PDSS2: variants seen among roughly 807,000 people sequenced by gnomAD.
The protein encoded by PDSS2 is decaprenyl diphosphate synthase subunit 2.
PDSS2 carries 31 observed loss-of-function variants against 44.5 expected under a neutral mutation model. That is an observed-to-expected ratio of 0.70 (90% CI 0.52 to 0.94). The LOEUF (loss-of-function observed/expected upper bound fraction) is 0.94. Ranked by LOEUF, PDSS2 falls within the 40% of genes least tolerant of loss-of-function variation. PDSS2 has a pLI of 0.00. For synonymous variants in PDSS2, 157 were observed against 180.3 expected (o/e 0.87, Z 1.03); for missense variants, 452 against 482.2 (o/e 0.94, Z 0.59).
chr6:107,264,367 T>A, intron 3 of PDSS2: 1 of 1,537,650 alleles, frequency 6.5e-7, no homozygotes, highest in Non-Finnish European at 8.8e-7. Context: ...TGCCACTGGT[T>A]ATCCGGAAGT....
chr6:107,280,309 A>G (rs13196120), intron 2 of PDSS2, among the ~76,000 whole-genome samples: 55 of 151,828 alleles, frequency 3.6e-4, no homozygotes, highest in Middle Eastern at 3.4e-3. Flanking sequence ...TGATCCACCC[A>G]CCTCGGCCTC....
chr6:107,197,647 A>C (rs944165794), intron 6 of PDSS2, among the ~76,000 whole-genome samples: 1 of 152,142 alleles, frequency 6.6e-6, no homozygotes, highest in Non-Finnish European at 1.5e-5. Context: ...ACTGTATCAA[A>C]CACTTTTGAG....
In PDSS2 at chr6:107,212,285, A is replaced by G; in HGVS notation, c.703-3T>C. ...ATATCATCTGTGATATAACTTTCCT[A>G]AAAATGTAACAAAAGCCAAGATAAA... is the stretch of plus-strand genomic sequence containing the variant. On this transcript the variant is annotated splice_polypyrimidine_tract_variant and splice_region_variant and intron_variant, in intron 4 of 7. Transcript: ENST00000369037. 6.2e-7 allele frequency: 1 copy of G among 1,608,338 alleles called. No homozygotes were observed. The highest frequency in any genetic ancestry group is 1.1e-5 in the South Asian group (1 of 89,920).
intron 1 of PDSS2, among the ~76,000 whole-genome samples, chr6:107,429,794 G>A (rs936741806): frequency 1.4e-5 from 2 of 147,172 alleles, no homozygotes; most frequent in African/African-American, 2.5e-5. Flanking sequence ...TGAGGCAGGA[G>A]AATCACTTGA....
rs928170205 is a variant in PDSS2, at chr6:107,392,979, T to C, written c.297-58647A>G. Among the ~76,000 whole-genome samples, 59 of 152,138 alleles carry C rather than the reference T, an allele frequency of 3.9e-4. 1 individual carries two copies. The highest frequency in any genetic ancestry group is 2.8e-4 in the Non-Finnish European group (19 of 68,002). Reference sequence around the variant, plus strand: ...TTCTCAATATCATTTATGATATTGATGGGTCTACTGATTTTTTAAAAAACA... The same window carrying C: ...TTCTCAATATCATTTATGATATTGACGGGTCTACTGATTTTTTAAAAAACA... On this transcript the variant is annotated intron_variant, in intron 1 of 7. Transcript: ENST00000369037.
At chr6:107,177,141 T>G (rs2114428139) in intron 7 of PDSS2, among the ~76,000 whole-genome samples, 1 of 151,282 alleles carries the variant, frequency 6.6e-6, no homozygotes, top group Middle Eastern at 3.4e-3. Flanking sequence ...CTTTTTTTTT[T>G]TTTTTTTGGG....
chr6:107,162,338 C>A (rs983726877), intron 7 of PDSS2, among the ~76,000 whole-genome samples: 2 of 151,558 alleles, frequency 1.3e-5, no homozygotes, highest in African/African-American at 2.4e-5. Context: ...CTACTAAAAA[C>A]AAAAATTAGC....
chr6:107,189,070 T>G (rs1439439672), intron 7 of PDSS2, among the ~76,000 whole-genome samples: 1 of 151,514 alleles, frequency 6.6e-6, no homozygotes, highest in African/African-American at 2.4e-5. Context: ...CCACCATACC[T>G]AGCTATTTTT....
intron 4 of PDSS2, among the ~76,000 whole-genome samples, chr6:107,239,145 T>A (rs1322584142): frequency 6.6e-6 from 1 of 151,780 alleles, no homozygotes; most frequent in Non-Finnish European, 1.5e-5. Context: ...GGCATGGTGG[T>A]ACACACCTGT....
chr6:107,293,049 A>G (rs1776397166), intron 2 of PDSS2, among the ~76,000 whole-genome samples: 1 of 152,228 alleles, frequency 6.6e-6, no homozygotes. Context: ...GCTGATCAAC[A>G]TTAAACAGAC....
At chr6:107,186,652 C>T (rs991980813) in intron 7 of PDSS2, among the ~76,000 whole-genome samples, 1 of 152,004 alleles carries the variant, frequency 6.6e-6, no homozygotes, top group Admixed American at 6.6e-5. Context: ...TTGTTCCCCT[C>T]CCTGTGTCCA....
chr6:107,342,106 C>T (rs1274649554), intron 1 of PDSS2, among the ~76,000 whole-genome samples: 1 of 151,626 alleles, frequency 6.6e-6, no homozygotes, highest in African/African-American at 2.4e-5. Context: ...GACTCCCTGG[C>T]AAGGTTGTGA....
At chr6:107,173,248 C>G (rs1346820338) in intron 7 of PDSS2, among the ~76,000 whole-genome samples, 1 of 151,420 alleles carries the variant, frequency 6.6e-6, no homozygotes, top group Admixed American at 6.6e-5. Flanking sequence ...AATAATTATT[C>G]CTAGGAAATG....
intron 1 of PDSS2, among the ~76,000 whole-genome samples, chr6:107,430,749 C>T (rs766595985): frequency 6.6e-6 from 1 of 151,432 alleles, no homozygotes; most frequent in Non-Finnish European, 1.5e-5. Flanking sequence ...GCGGAGGTTG[C>T]GGTGAGCCAA....
intron 1 of PDSS2, among the ~76,000 whole-genome samples, chr6:107,439,985 T>G (rs1320453914): frequency 1.3e-5 from 2 of 152,098 alleles, no homozygotes; most frequent in Non-Finnish European, 2.9e-5. Context: ...CCATTTTCCT[T>G]GCCTAGTCAA....
At chr6:107,273,134 G>A (rs945832419) in intron 3 of PDSS2, among the ~76,000 whole-genome samples, 9 of 151,802 alleles carry the variant, frequency 5.9e-5, no homozygotes, top group Admixed American at 3.9e-4. Context: ...ATAGGCACGC[G>A]CCACCACGCC....
At chr6:107,200,850 A>AT (rs1461123932) in intron 6 of PDSS2, among the ~76,000 whole-genome samples, 1 of 151,936 alleles carries the variant, frequency 6.6e-6, no homozygotes, top group East Asian at 1.9e-4. Flanking sequence ...TATTTTTAGT[A>AT]TAACGGGGTT....
At chr6:107,443,428 G>A (rs973477102) in intron 1 of PDSS2, among the ~76,000 whole-genome samples, 3 of 152,074 alleles carry the variant, frequency 2.0e-5, no homozygotes, top group African/African-American at 7.2e-5. Context: ...TTTATTCACA[G>A]TAGCCAAAAA....
At chr6:107,336,771 A>G (rs1777905943) in intron 1 of PDSS2, among the ~76,000 whole-genome samples, 1 of 151,040 alleles carries the variant, frequency 6.6e-6, no homozygotes, top group Non-Finnish European at 1.5e-5. Flanking sequence ...TATAATAAAG[A>G]GAAGGTCTGA....
Sources: allele counts gnomAD v4.1 joint callset (sites outside exome capture counted in the v4.1 genomes callset), GRCh38; gene constraint gnomAD v4.1.1; transcripts MANE v1.5; gene names NCBI Gene and HGNC (gene_info 2026-07-23, HGNC 2026-07-21).